DDX47: variants seen among roughly 807,000 people sequenced by gnomAD.
DDX47 encodes the protein DEAD-box helicase 47.
In DDX47, 60 loss-of-function variants were observed where a neutral mutation model predicts 58.8. That is an observed-to-expected ratio of 1.02 (90% CI 0.83 to 1.26). DDX47 has a LOEUF of 1.26. DDX47 is among the 50% of genes most tolerant of loss of function. DDX47 has a pLI of 0.00. For missense variants in DDX47, 530 were observed against 573.2 expected, an observed-to-expected ratio of 0.92 and a Z score of 0.77; for synonymous variants, 197 against 204.6, an observed-to-expected ratio of 0.96 and a Z score of 0.32.
chr12:12,828,814 T>C (rs998219540), intron 11 of DDX47, among the ~76,000 whole-genome samples: 3 of 152,238 alleles, frequency 2.0e-5, no homozygotes, highest in African/African-American at 7.2e-5. Flanking sequence ...TAATTAGACT[T>C]TATCTAATTA....
chr12:12,814,946 G>T lies in DDX47; in HGVS notation c.181+722G>T, dbSNP rs1862874759. 2.6e-5 allele frequency among the ~76,000 whole-genome samples: 4 copies of T among 152,300 alleles called. No individual in the cohort carries two copies. The South Asian group carries it at 8.3e-4, about 32-fold the overall frequency. On this transcript the variant is annotated intron_variant, in intron 2 of 11. Coordinates refer to ENST00000358007, the MANE Select transcript of DDX47 (RefSeq NM_016355.4). Reference sequence around the variant, plus strand: ...CCTGCCTTGGCCTCCCAAAGTGCTGGGATTACAGGTGTGAGCCACCACATC... The same window carrying T: ...CCTGCCTTGGCCTCCCAAAGTGCTGTGATTACAGGTGTGAGCCACCACATC...
rs1189237068 is a variant in DDX47, at chr12:12,814,207, T to C, written c.164T>C (p.Ile55Thr). ...TKPTKIQIEA[I>T]PLALQGRDII... ...CCCACCAAGATCCAGATTGAAGCTA[T>C]TCCTTTGGCCTTACAAGGTAGGTTG... The change falls in exon 2 of 12, where the codon ATT becomes ACT. Residue 55 changes from isoleucine (I) to threonine (T), a missense_variant. By Grantham distance (89) the Ile-to-Thr change is moderately conservative. Coordinates refer to ENST00000358007, the MANE Select transcript of DDX47 (RefSeq NM_016355.4). 3 of 1,611,046 alleles carry C rather than the reference T, an allele frequency of 1.9e-6. No homozygotes were observed. The highest frequency in any genetic ancestry group is 2.5e-6 in the Non-Finnish European group (3 of 1,177,194).
In DDX47 at chr12:12,813,660, G is replaced by A. The variant is rs963499962; in HGVS notation, c.87+206G>A. On this transcript the variant is annotated intron_variant, in intron 1 of 11. Coordinates refer to ENST00000358007, the MANE Select transcript of DDX47 (RefSeq NM_016355.4). Reference sequence around the variant, plus strand: ...TGCTGGGCCCTGAGACCCCCTATTTGCCCTATTCGCCACTTTAGTGTGGCA... The same window carrying A: ...TGCTGGGCCCTGAGACCCCCTATTTACCCTATTCGCCACTTTAGTGTGGCA... 1.4e-4 allele frequency: 83 copies of A among 600,116 alleles called. 1 individual carries two copies. The highest frequency in any genetic ancestry group is 8.7e-4 in the Middle Eastern group (2 of 2,286). The allele number at this position is 600,116 out of a possible 1,614,324, so 37.2% of individuals were successfully genotyped here. A position where few individuals can be genotyped will look rare whatever the true frequency, so the allele number is the denominator to read the frequency against.
At chr12:12,816,134 G>A (rs976585416) in intron 2 of DDX47, among the ~76,000 whole-genome samples, 1 of 152,076 alleles carries the variant, frequency 6.6e-6, no homozygotes, top group Non-Finnish European at 1.5e-5. Context: ...AAGGAACGGG[G>A]GAAAAATGCA....
At chr12:12,824,362 T>TA (rs1863019617) in intron 8 of DDX47, 178 bp from the exon 9 acceptor site, 1 of 618,898 alleles carries the variant, frequency 1.6e-6, no homozygotes, top group East Asian at 2.9e-5. Context: ...ATCATATATA[T>TA]TTTTTTAATT....
Position 12,823,893 on chromosome 12 carries a change from A to G in DDX47, c.774A>G (p.Leu258=), listed in dbSNP as rs780981702. The part of the protein sequence containing the change: ...KFKDTYLVYI[L]NELAGNSFMI... ...AGGATACCTACCTGGTTTATATTCTAAATGAATTGGCTGGAAACTCCTTTA... is the reference window on the plus strand; with the variant it reads ...AGGATACCTACCTGGTTTATATTCTGAATGAATTGGCTGGAAACTCCTTTA... Residue 258 remains leucine (L), a synonymous_variant, in exon 8 of 12, where the codon CTA becomes CTG. Transcript: ENST00000358007. 6.2e-7 allele frequency: 1 copy of G among 1,614,036 alleles called. No homozygotes were observed. Among genetic ancestry groups the G allele is most frequent in the East Asian group, 2.2e-5 (1 of 44,888 alleles).
chr12:12,816,435 A>G (rs1454477845), intron 2 of DDX47, among the ~76,000 whole-genome samples: 1 of 152,208 alleles, frequency 6.6e-6, no homozygotes, highest in Non-Finnish European at 1.5e-5. Flanking sequence ...GTATACATGT[A>G]TCTAAACTTT....
Position 12,824,635 on chromosome 12 carries a change from T to C in DDX47, c.993T>C (p.His331=), listed in dbSNP as rs775954244. Residue 331 remains histidine (H), a synonymous_variant, in exon 9 of 12, where the codon CAT becomes CAC. Coordinates refer to ENST00000358007, the MANE Select transcript of DDX47 (RefSeq NM_016355.4). ...DVASRGLDIP[H]VDVVVNFDIP... The stretch of plus-strand genomic sequence containing the variant: ...CCAGCCGAGGTTTGGACATACCTCA[T>C]GTAGATGTGGTTGTCAACTTTGACA... The C allele has an allele frequency of 1.9e-6, 3 of 1,614,222 alleles. No individual in the cohort carries two copies. The highest frequency in any genetic ancestry group is 2.2e-5 in the South Asian group (2 of 91,084).
Position 12,821,218 on chromosome 12 carries a change from C to T in DDX47, c.192C>T (p.Ile64=). Residue 64 remains isoleucine (I), a synonymous_variant, in exon 3 of 12, where the codon ATC becomes ATT. Coordinates refer to ENST00000358007, the MANE Select transcript of DDX47 (RefSeq NM_016355.4). ...TTCTTTTTCTTTTAGGTCGTGATAT[C>T]ATTGGGCTTGCAGAAACTGGCTCTG... ...AIPLALQGRD[I]IGLAETGSGK... The T allele has an allele frequency of 6.2e-7, 1 of 1,614,190 alleles. No individual in the cohort carries two copies. The highest frequency in any genetic ancestry group is 1.1e-5 in the South Asian group (1 of 91,084).
intron 1 of DDX47, among the ~76,000 whole-genome samples, chr12:12,813,773 C>A (rs745865316): frequency 1.1e-4 from 16 of 152,190 alleles, no homozygotes; most frequent in Middle Eastern, 3.2e-3. Flanking sequence ...GATGAACCAA[C>A]CAGATTTGAA....
chr12:12,829,440 A>G lies in DDX47; in HGVS notation c.1254A>G (p.Gly418=), dbSNP rs758050134. The change falls in exon 12 of 12, where the codon GGA becomes GGG. Residue 418 remains glycine (G), a synonymous_variant. Transcript: ENST00000358007. ...RFARMELREH[G]EKKKRSREDA... ...TCTTGCAGGAGTTAAGGGAGCATGGAGAAAAGAAGAAACGCTCGCGAGAGG... is the reference window on the plus strand; with the variant it reads ...TCTTGCAGGAGTTAAGGGAGCATGGGGAAAAGAAGAAACGCTCGCGAGAGG... 4 of 1,612,400 alleles carry G rather than the reference A, an allele frequency of 2.5e-6. No homozygotes were observed. In the African/African-American group the frequency reaches 5.3e-5, roughly 22 times the overall value.
chr12:12,828,674 A>T (rs1246962542), intron 11 of DDX47, among the ~76,000 whole-genome samples: 1 of 152,196 alleles, frequency 6.6e-6, no homozygotes, highest in African/African-American at 2.4e-5. Context: ...TTTTGTTTGT[A>T]AAAGTATTAC....
chr12:12,818,819 A>G (rs1323051400), intron 2 of DDX47, among the ~76,000 whole-genome samples: 1 of 152,178 alleles, frequency 6.6e-6, no homozygotes, highest in African/African-American at 2.4e-5. Context: ...GAGACATGCA[A>G]AAGCAGAAAC....
chr12:12,817,217 T>C (rs1362057535), intron 2 of DDX47, among the ~76,000 whole-genome samples: 2 of 152,260 alleles, frequency 1.3e-5, no homozygotes, highest in Non-Finnish European at 2.9e-5. Flanking sequence ...GATTGTCCGC[T>C]GTTCTTAAAC....
chr12:12,818,039 G>A (rs1468813653), intron 2 of DDX47, among the ~76,000 whole-genome samples: 3 of 152,186 alleles, frequency 2.0e-5, no homozygotes, highest in Non-Finnish European at 2.9e-5. Context: ...AGGCTGGGAC[G>A]GCAGTATCCC....
chr12:12,824,130 G>A, intron 8 of DDX47, 114 bp downstream of exon 8: 1 of 1,311,598 alleles, frequency 7.6e-7, no homozygotes, highest in Non-Finnish European at 1.0e-6. Context: ...TTCCATAATT[G>A]TTGTAATTTT....
At chr12:12,814,619 G>T in intron 2 of DDX47, 1 of 165,522 alleles carries the variant, frequency 6.0e-6, no homozygotes, top group Non-Finnish European at 1.3e-5. Flanking sequence ...GGTTAAAGCA[G>T]ATTGATGGCT....
intron 2 of DDX47, among the ~76,000 whole-genome samples, chr12:12,818,709 G>C (rs191155280): frequency 6.4e-4 from 98 of 152,052 alleles, no homozygotes; most frequent in African/African-American, 2.2e-3. Flanking sequence ...AGAAAAAGAG[G>C]TTTAATTGGA....
rs1222101010 is a variant in DDX47 at position 12,829,684 on chromosome 12, T to G, written c.*130T>G. 1.7e-6 allele frequency: 2 copies of G among 1,164,130 alleles called. No individual in the cohort carries two copies. The highest frequency in any genetic ancestry group is 2.4e-6 in the Non-Finnish European group (2 of 845,176). 72.1% of individuals were successfully genotyped at this position (1,164,130 alleles called of 1,614,324 possible). On this transcript the variant is annotated 3_prime_UTR_variant, in exon 12 of 12. Coordinates refer to ENST00000358007, the MANE Select transcript of DDX47 (RefSeq NM_016355.4). Reference sequence around the variant, plus strand: ...CAGAATGTGCTCAGCTAATTCAGTATTCTTCCCCATTCTGGGTTGGAGTTT... The same window carrying G: ...CAGAATGTGCTCAGCTAATTCAGTAGTCTTCCCCATTCTGGGTTGGAGTTT...
Sources: allele counts gnomAD v4.1 joint callset (sites outside exome capture counted in the v4.1 genomes callset), GRCh38; gene constraint gnomAD v4.1.1; transcripts MANE v1.5; gene names NCBI Gene and HGNC (gene_info 2026-07-23, HGNC 2026-07-21).